RALYL: variants seen among roughly 807,000 people sequenced by gnomAD.
RALYL encodes RNA-binding Raly-like protein.
A neutral mutation model predicts 35.1 loss-of-function variants in RALYL; 29 were observed. The ratio of observed to expected loss-of-function variants is 0.83; its 90% CI spans 0.61 to 1.13. The LOEUF (loss-of-function observed/expected upper bound fraction) is 1.13. Ranked by LOEUF, RALYL falls within the 50% of genes most tolerant of loss-of-function variation. The pLI is 0.00. For missense variants in RALYL, 359 were observed against 360.4 expected, an observed-to-expected ratio of 1.00 and a Z score of 0.03; for synonymous variants, 120 against 127.6, an observed-to-expected ratio of 0.94 and a Z score of 0.40.
chr8:84,757,547 G>A (rs925718400), intron 2 of RALYL, among the ~76,000 whole-genome samples: 1 of 152,086 alleles, frequency 6.6e-6, no homozygotes, highest in Non-Finnish European at 1.5e-5. Flanking sequence ...CAGGGGCGGC[G>A]AATATGATGT....
At chr8:84,495,917 A>G (rs1177981170) in intron 1 of RALYL, among the ~76,000 whole-genome samples, 1 of 152,148 alleles carries the variant, frequency 6.6e-6, no homozygotes, top group Non-Finnish European at 1.5e-5. Context: ...AATATAGCCA[A>G]ATAGACCACT....
At chr8:84,575,856 G>C (rs1809269099) in intron 2 of RALYL, among the ~76,000 whole-genome samples, 1 of 151,838 alleles carries the variant, frequency 6.6e-6, no homozygotes, top group South Asian at 2.1e-4. Context: ...ACTGGGCATA[G>C]TGGCGTGCAC....
chr8:84,753,793 C>T (rs1239218609), intron 2 of RALYL, among the ~76,000 whole-genome samples: 8 of 152,046 alleles, frequency 5.3e-5, no homozygotes, highest in East Asian at 1.9e-4. Flanking sequence ...CCAATTAAAC[C>T]GCTTTTCCTT....
rs1473502588 is a variant in RALYL, at chr8:84,568,769, T to A, written c.256+39192T>A. Among the ~76,000 whole-genome samples the A allele has an allele frequency of 9.9e-3, 1,382 of 138,902 alleles. 13 individuals carry two copies. Among genetic ancestry groups the A allele is most frequent in the African/African-American group, 0.036 (1,316 of 36,716 alleles). 91.1% of individuals were successfully genotyped at this position (138,902 alleles called of 152,430 possible). ...TAACTGGTGTGAGATGGTATCTCAT[T>A]GTGGTTTTGATTTGCATTTCTCTGA... On this transcript the variant is annotated intron_variant, in intron 2 of 8. Transcript: ENST00000521268.
intron 4 of RALYL, among the ~76,000 whole-genome samples, chr8:84,842,614 T>G (rs1388370235): frequency 6.6e-6 from 1 of 152,132 alleles, no homozygotes; most frequent in East Asian, 1.9e-4. Context: ...CCTAACTAAT[T>G]TTATGAGGCC....
intron 1 of RALYL, among the ~76,000 whole-genome samples, chr8:84,216,608 A>T (rs2131248584): frequency 6.6e-6 from 1 of 151,964 alleles, no homozygotes; most frequent in East Asian, 1.9e-4. Flanking sequence ...CCTGATGCAG[A>T]CTCTTCACTT....
chr8:84,345,399 G>A (rs2130962927), intron 1 of RALYL, among the ~76,000 whole-genome samples: 1 of 152,094 alleles, frequency 6.6e-6, no homozygotes, highest in East Asian at 1.9e-4. Context: ...CTTCATCATG[G>A]AAGTGAAATA....
chr8:84,452,246 T>C (rs563712160), intron 1 of RALYL, among the ~76,000 whole-genome samples: 39 of 151,532 alleles, frequency 2.6e-4, no homozygotes, highest in Middle Eastern at 6.8e-3. Flanking sequence ...TTTTTTTTTT[T>C]CCCCTAAGTT....
At chr8:84,308,556 ATAGT>A (rs2129691891) in intron 1 of RALYL, among the ~76,000 whole-genome samples, 1 of 152,262 alleles carries the variant, frequency 6.6e-6, no homozygotes, top group East Asian at 1.9e-4. Context: ...CACTTTTTAG[ATAGT>A]TAATGCATGC....
rs1856693092 is a variant in RALYL, at chr8:84,375,303, T to C, written c.-23-153996T>C. On this transcript the variant is annotated intron_variant, in intron 1 of 8. Coordinates refer to ENST00000521268, the MANE Select transcript of RALYL (RefSeq NM_173848.7). The stretch of plus-strand genomic sequence containing the variant: ...AAACAATACCCAATACTGTGGTGGA[T>C]ACAAACTGTCCTAGTTTCCAGTATG... 2.0e-5 allele frequency among the ~76,000 whole-genome samples: 3 copies of C among 151,910 alleles called. No homozygotes were observed. In the Admixed American group the frequency reaches 2.0e-4, roughly 10 times the overall value.
At chr8:84,212,273 T>G (rs1051109061) in intron 1 of RALYL, among the ~76,000 whole-genome samples, 1 of 152,194 alleles carries the variant, frequency 6.6e-6, no homozygotes, top group Non-Finnish European at 1.5e-5. Context: ...TATTTTACAC[T>G]GTATATTTTT....
chr8:84,555,513 T>C (rs948584350), intron 2 of RALYL, among the ~76,000 whole-genome samples: 1 of 152,182 alleles, frequency 6.6e-6, no homozygotes, highest in South Asian at 2.1e-4. Context: ...TGCCACAGAC[T>C]CACTGGAAGA....
At chr8:84,848,839 C>T (rs915499663) in intron 4 of RALYL, among the ~76,000 whole-genome samples, 1 of 149,838 alleles carries the variant, frequency 6.7e-6, no homozygotes, top group African/African-American at 2.5e-5. Context: ...AGTAAGTAAA[C>T]TTTTTTTTTT....
chr8:84,208,370 T>C (rs1818586380), intron 1 of RALYL, among the ~76,000 whole-genome samples: 2 of 152,198 alleles, frequency 1.3e-5, no homozygotes, highest in African/African-American at 4.8e-5. Flanking sequence ...AACATTATCA[T>C]GAGTAATCCT....
At chr8:84,863,344 T>C (rs1306813960) in intron 6 of RALYL, among the ~76,000 whole-genome samples, 1 of 152,024 alleles carries the variant, frequency 6.6e-6, no homozygotes, top group Non-Finnish European at 1.5e-5. Context: ...GACCTTAAAT[T>C]GAATAGTCAA....
Position 84,523,582 on chromosome 8 carries a change from G to A in RALYL, c.-23-5717G>A, listed in dbSNP as rs560406660. Among the ~76,000 whole-genome samples the A allele has an allele frequency of 8.6e-5, 13 of 151,394 alleles. No individual in the cohort carries two copies. The East Asian group carries it at 2.5e-3, about 30-fold the overall frequency. ...CACATTGTGCAGGTTAGTTACATAT[G>A]TATACATGTGCCATGCTGGTGTGCT... On this transcript the variant is annotated intron_variant, in intron 1 of 8. Coordinates refer to ENST00000521268, the MANE Select transcript of RALYL (RefSeq NM_173848.7).
chr8:84,777,235 T>G (rs1388955504), intron 3 of RALYL, among the ~76,000 whole-genome samples: 1 of 152,212 alleles, frequency 6.6e-6, no homozygotes, highest in Non-Finnish European at 1.5e-5. Context: ...TCACGTCTAG[T>G]ATTCTCACCA....
At chr8:84,536,031 T>C (rs1034180182) in intron 2 of RALYL, among the ~76,000 whole-genome samples, 4 of 152,226 alleles carry the variant, frequency 2.6e-5, no homozygotes, top group Admixed American at 1.3e-4. Context: ...ATGTATCTTT[T>C]CCAATTGTTC....
intron 1 of RALYL, among the ~76,000 whole-genome samples, chr8:84,514,090 T>TAAAAA (rs57881021): frequency 1.6e-3 from 64 of 41,006 alleles, no homozygotes; most frequent in Admixed American, 2.8e-3. Flanking sequence ...AGATTTCATC[T>TAAAAA]AAAAAAAAAA....
Sources: gnomAD v4.1 joint callset for allele counts (sites outside exome capture counted in the v4.1 genomes callset) on GRCh38, gnomAD v4.1.1 for gene constraint, MANE v1.5 for transcripts, NCBI Gene and HGNC (gene_info 2026-07-23, HGNC 2026-07-21) for gene names.